The following SULT1B1 variants were observed in gnomAD, a reference collection of about 807,000 sequenced individuals.
SULT1B1 encodes the protein sulfotransferase 1B1.
A neutral mutation model predicts 34.6 loss-of-function variants in SULT1B1; 28 were observed. That is an observed-to-expected ratio of 0.81 (90% confidence interval 0.60 to 1.11). The LOEUF (loss-of-function observed/expected upper bound fraction) is 1.11. Among genes scored for constraint, SULT1B1 ranks in the 50% least tolerant of loss-of-function variants. The pLI is 0.00. For missense variants in SULT1B1, 374 were observed against 352.2 expected (o/e 1.06, Z -0.50); for synonymous variants, 147 against 110.2 (o/e 1.33, Z -2.09).
chr4:69,727,074 G>A lies in SULT1B1; in HGVS notation c.*14C>T, dbSNP rs774890221. ...GACAATCTCTTATTTCTTCAGATGT[G>A]TGATTTAGACACTTTAAATCTCTGT... On this transcript the variant is annotated 3_prime_UTR_variant, in exon 8 of 8. Transcript: ENST00000310613. The A allele has an allele frequency of 3.2e-6, 5 of 1,569,600 alleles. No homozygotes were observed. Among genetic ancestry groups the A allele is most frequent in the Non-Finnish European group, 4.3e-6 (5 of 1,153,616 alleles).
In SULT1B1 at chr4:69,724,015, T is replaced by G. The variant is rs1045546925; in HGVS notation, c.*3073A>C. 32 of 152,300 alleles carry G rather than the reference T, an allele frequency of 2.1e-4. No individual in the cohort carries two copies. Among genetic ancestry groups the G allele is most frequent in the African/African-American group, 7.0e-4 (29 of 41,566 alleles). 9.4% of individuals were successfully genotyped at this position (152,300 alleles called of 1,614,324 possible). Reference sequence around the variant, plus strand: ...CTCCTATTCAACATAGTGTTGGAAGTTCTGGCCAGGGCAATCAGGCAGGAG... The same window carrying G: ...CTCCTATTCAACATAGTGTTGGAAGGTCTGGCCAGGGCAATCAGGCAGGAG... On this transcript the variant is annotated 3_prime_UTR_variant, in exon 8 of 8. Coordinates refer to ENST00000310613, the MANE Select transcript of SULT1B1 (RefSeq NM_014465.4).
chr4:69,758,224 A>T, intron 1 of SULT1B1: 4 of 813,626 alleles, frequency 4.9e-6, no homozygotes, highest in Non-Finnish European at 5.9e-6. Flanking sequence ...GTAAGTCTGT[A>T]AGCAGTGTAC....
intron 1 of SULT1B1, among the ~76,000 whole-genome samples, chr4:69,759,147 T>C (rs943071833): frequency 2.0e-5 from 3 of 152,216 alleles, no homozygotes; most frequent in African/African-American, 7.2e-5. Context: ...TGATCTCTAA[T>C]CATTACCTAC....
At chr4:69,727,944 T>C (rs1486853244) in intron 7 of SULT1B1, among the ~76,000 whole-genome samples, 1 of 152,016 alleles carries the variant, frequency 6.6e-6, no homozygotes, top group Non-Finnish European at 1.5e-5. Flanking sequence ...TTTTATGAAA[T>C]AGTAATACAT....
chr4:69,760,311 A>G, intron 1 of SULT1B1, 148 bp downstream of exon 1: 1 of 634,576 alleles, frequency 1.6e-6, no homozygotes. Flanking sequence ...CAGCATAAAC[A>G]ATGAAAGTTT....
At chr4:69,737,996 G>T (rs1161948281) in intron 4 of SULT1B1, among the ~76,000 whole-genome samples, 1 of 152,092 alleles carries the variant, frequency 6.6e-6, no homozygotes, top group East Asian at 1.9e-4. Context: ...GCAGTTTTTT[G>T]ACTTGTACCC....
At chr4:69,730,999 T>C (rs1047895603) in intron 6 of SULT1B1, among the ~76,000 whole-genome samples, 4 of 152,190 alleles carry the variant, frequency 2.6e-5, no homozygotes, top group African/African-American at 9.6e-5. Context: ...GTAGTTGTGC[T>C]AGGAAAACAT....
chr4:69,726,340 G>T lies in SULT1B1; in HGVS notation c.*748C>A, dbSNP rs1320075974. The T allele has an allele frequency of 6.6e-6, 1 of 151,574 alleles. No individual in the cohort carries two copies. The highest frequency in any genetic ancestry group is 6.6e-5 in the Admixed American group (1 of 15,162). The allele number at this position is 151,574 out of a possible 1,614,324, so 9.4% of individuals were successfully genotyped here. The stretch of plus-strand genomic sequence containing the variant: ...AAATGGTGACCAGAACACAGCAGTA[G>T]GTGATTTCTCTGAAGTTCAAACGGG... On this transcript the variant is annotated 3_prime_UTR_variant, in exon 8 of 8. Transcript: ENST00000310613.
intron 1 of SULT1B1, chr4:69,760,158 G>A (rs1169592985): frequency 6.2e-6 from 5 of 809,560 alleles, no homozygotes; most frequent in Non-Finnish European, 6.0e-6. Flanking sequence ...AAGGATGGGA[G>A]CAGAGAAACG....
intron 1 of SULT1B1, among the ~76,000 whole-genome samples, chr4:69,755,607 A>G (rs1025434713): frequency 2.6e-5 from 4 of 152,200 alleles, no homozygotes; most frequent in African/African-American, 9.6e-5. Context: ...CTTCAGCTAC[A>G]CGTCATTTTT....
chr4:69,759,031 T>C (rs1246509827), intron 1 of SULT1B1, among the ~76,000 whole-genome samples: 23 of 152,228 alleles, frequency 1.5e-4, no homozygotes, highest in Admixed American at 1.5e-3. Context: ...CAAATGACTT[T>C]AAACTACCTT....
rs551535573 is a variant in SULT1B1, at chr4:69,755,206, T to C, written c.12A>G (p.Pro4=). Residue 4 remains proline (P), a synonymous_variant, in exon 2 of 8, where the codon CCA becomes CCG. Transcript: ENST00000310613. ...TCAGATCTTTTCGCAGAATATCTTT[T>C]GGGGAAAGCATTTTAATACCAGATT... MLS[P]KDILRKDLKL... 5 of 1,613,370 alleles carry C rather than the reference T, an allele frequency of 3.1e-6. No homozygotes were observed. The highest frequency in any genetic ancestry group is 1.6e-4 in the Middle Eastern group (1 of 6,062).
intron 4 of SULT1B1, 98 bp from the exon 5 acceptor site, chr4:69,734,362 T>TTTTACA (rs1718217514): frequency 1.5e-6 from 2 of 1,360,656 alleles, no homozygotes; most frequent in Admixed American, 3.0e-5. Context: ...CAGAGTACTT[T>TTTTACA]TTCAAATAGA....
chr4:69,757,546 T>C (rs1719237883), intron 1 of SULT1B1, among the ~76,000 whole-genome samples: 1 of 152,070 alleles, frequency 6.6e-6, no homozygotes, highest in Admixed American at 6.6e-5. Flanking sequence ...AACAGCCTTG[T>C]ATCTCAAAGC....
In SULT1B1 at chr4:69,754,787, C is replaced by T. The variant is rs751935987; in HGVS notation, c.160G>A (p.Val54Ile). 4 of 1,611,998 alleles carry T rather than the reference C, an allele frequency of 2.5e-6. No individual in the cohort carries two copies. The highest frequency in any genetic ancestry group is 1.3e-5 in the African/African-American group (1 of 74,816). ...AGAATCATGTCTATAATTTCACTAA[C>T]CCAAGTAGTACCTGTGACAAAAGGC... ...ATYPKSGTTW[V>I]SEIIDMILND... Residue 54 changes from valine to isoleucine, a missense_variant, in exon 3 of 8, where the codon GTT (valine) becomes ATT (isoleucine). Physicochemically the swap from Val to Ile is conservative, Grantham distance 29. Coordinates refer to ENST00000310613, the MANE Select transcript of SULT1B1 (RefSeq NM_014465.4).
Position 69,733,433 on chromosome 4 carries a change from A to C in SULT1B1, c.577T>G (p.Tyr193Asp), listed in dbSNP as rs1718162111. Residue 193 changes from tyrosine to aspartate, a missense_variant, in exon 6 of 8, where the codon TAC (tyrosine) becomes GAC (aspartate). Tyr to Asp is a radical substitution (Grantham distance 160). Coordinates refer to ENST00000310613, the MANE Select transcript of SULT1B1 (RefSeq NM_014465.4). Reference protein sequence around the residue: ...KKEEHPILFLYYEDMKENPKE... With the variant: ...KKEEHPILFLDYEDMKENPKE... ...TTTACCTCTTTCATATCTTCATAGT[A>C]CAAAAAAAGTATTGGGTGTTCTTCC... The C allele has an allele frequency of 6.2e-7, 1 of 1,607,396 alleles. No individual in the cohort carries two copies. Among genetic ancestry groups the C allele is most frequent in the Non-Finnish European group, 8.5e-7 (1 of 1,177,292 alleles).
At chr4:69,730,422 A>C in intron 7 of SULT1B1, 79 bp downstream of exon 7, 1 of 1,310,928 alleles carries the variant, frequency 7.6e-7, no homozygotes, top group Non-Finnish European at 1.0e-6. Flanking sequence ...AACTTAGTAG[A>C]GATCACAGAA....
intron 1 of SULT1B1, among the ~76,000 whole-genome samples, chr4:69,758,812 A>G: frequency 6.6e-6 from 1 of 152,086 alleles, no homozygotes; most frequent in East Asian, 1.9e-4. Flanking sequence ...TTCTTTATTT[A>G]TTCATCTTAA....
At chr4:69,748,178 G>A (rs1718829427) in intron 4 of SULT1B1, among the ~76,000 whole-genome samples, 2 of 151,972 alleles carry the variant, frequency 1.3e-5, no homozygotes, top group Non-Finnish European at 2.9e-5. Context: ...GAGAGTAAAA[G>A]GGTAGCAAAA....
Sources: gnomAD v4.1 joint callset for allele counts (sites outside exome capture counted in the v4.1 genomes callset) on GRCh38, gnomAD v4.1.1 for gene constraint, MANE v1.5 for transcripts, NCBI Gene and HGNC (gene_info 2026-07-23, HGNC 2026-07-21) for gene names.